Variants in SLMAP observed in about 807,000 individuals in gnomAD.
SLMAP encodes sarcolemmal membrane-associated protein.
A neutral mutation model predicts 128.8 loss-of-function variants in SLMAP; 44 were observed. The observed-to-expected ratio is 0.34, with a 90% CI of 0.27 to 0.44. The LOEUF is 0.44. SLMAP is among the 20% of genes least tolerant of loss of function. The pLI, the probability that SLMAP is intolerant of heterozygous loss-of-function variation, is 1.00. For missense variants in SLMAP, 787 were observed against 985.3 expected, an observed-to-expected ratio of 0.80 and a Z score of 2.69; for synonymous variants, 327 against 348.8, an observed-to-expected ratio of 0.94 and a Z score of 0.70.
intron 13 of SLMAP, among the ~76,000 whole-genome samples, chr3:57,865,967 A>G (rs1195527951): frequency 6.6e-6 from 1 of 152,138 alleles, no homozygotes; most frequent in African/African-American, 2.4e-5. Context: ...TTGAGCACCA[A>G]CTATGTGCCA....
In SLMAP at chr3:57,912,557, C is replaced by A. The variant is rs1402674093; in HGVS notation, c.1876C>A (p.Leu626Ile). 5 of 1,614,114 alleles carry A rather than the reference C, an allele frequency of 3.1e-6. No individual in the cohort carries two copies. Among genetic ancestry groups the A allele is most frequent in the African/African-American group, 1.3e-5 (1 of 75,030 alleles). The change falls in exon 20 of 25, where the codon CTT (leucine) becomes ATT (isoleucine). Residue 626 changes from leucine (L) to isoleucine (I), a missense_variant. Coordinates refer to ENST00000671191, the MANE Select transcript of SLMAP (RefSeq NM_001377540.1). ...TGACATTGCTTCTTTACAAGAAGAGCTTAAGAAGGTGAGAGCTGAGCTTGA... is the reference window on the plus strand; with the variant it reads ...TGACATTGCTTCTTTACAAGAAGAGATTAAGAAGGTGAGAGCTGAGCTTGA... ...DTDIASLQEE[L>I]KKVRAELERW... is the part of the protein sequence containing the mutation.
intron 2 of SLMAP, among the ~76,000 whole-genome samples, chr3:57,819,607 A>T (rs1315923627): frequency 6.6e-6 from 1 of 152,156 alleles, no homozygotes; most frequent in Non-Finnish European, 1.5e-5. Context: ...AATATCAACT[A>T]TCCTTAGATG....
At chr3:57,858,360 T>C (rs1162591899) in intron 8 of SLMAP, among the ~76,000 whole-genome samples, 2 of 152,254 alleles carry the variant, frequency 1.3e-5, no homozygotes, top group African/African-American at 4.8e-5. Context: ...TCTGTCTTTT[T>C]TCTATTGCAG....
intron 2 of SLMAP, among the ~76,000 whole-genome samples, chr3:57,795,304 C>T (rs566063959): frequency 2.3e-4 from 35 of 152,166 alleles, no homozygotes; most frequent in African/African-American, 7.7e-4. Flanking sequence ...CTGTGGGAAG[C>T]TGAGGCGGGC....
chr3:57,906,300 C>CTTTTTTTTCTTTTT (rs2096541411), intron 17 of SLMAP, among the ~76,000 whole-genome samples: 3 of 71,290 alleles, frequency 4.2e-5, no homozygotes, highest in African/African-American at 1.4e-4. Context: ...AAATTTTTTT[C>CTTTTTTTTCTTTTT]TTTTTTTTTC....
chr3:57,880,974 G>A (rs2095723801), intron 14 of SLMAP, among the ~76,000 whole-genome samples: 1 of 152,034 alleles, frequency 6.6e-6, no homozygotes, highest in African/African-American at 2.4e-5. Flanking sequence ...GGCAGATAAC[G>A]AGGTCAAGAG....
intron 14 of SLMAP, among the ~76,000 whole-genome samples, chr3:57,886,961 G>C (rs747467145): frequency 1.3e-5 from 2 of 152,008 alleles, no homozygotes; most frequent in Admixed American, 6.6e-5. Flanking sequence ...ATGGGTATAG[G>C]GTTTTTGTTG....
chr3:57,909,411 A>G (rs1344420766), intron 19 of SLMAP, among the ~76,000 whole-genome samples: 1 of 150,728 alleles, frequency 6.6e-6, no homozygotes, highest in Non-Finnish European at 1.5e-5. Flanking sequence ...CTGAGGCAGG[A>G]GAATTGCTTG....
intron 2 of SLMAP, among the ~76,000 whole-genome samples, chr3:57,788,139 G>A (rs1282205724): frequency 6.6e-6 from 1 of 152,226 alleles, no homozygotes; most frequent in Non-Finnish European, 1.5e-5. Context: ...AGTAAAAGCA[G>A]TGGTGGTTTA....
At chr3:57,835,256 T>C (rs1337500210) in intron 3 of SLMAP, among the ~76,000 whole-genome samples, 1 of 150,256 alleles carries the variant, frequency 6.7e-6, no homozygotes, top group Admixed American at 6.6e-5. Context: ...CTGGGCAACA[T>C]AGGGAGACAC....
At chr3:57,908,141 C>T in intron 18 of SLMAP, 135 bp downstream of exon 18, 1 of 751,572 alleles carries the variant, frequency 1.3e-6, no homozygotes, top group East Asian at 2.8e-5. Context: ...GGTATATTTA[C>T]TTGACCTCTC....
In SLMAP at chr3:57,877,865, C is replaced by T. The variant is rs145189414; in HGVS notation, c.1300+6167C>T. Among the ~76,000 whole-genome samples the T allele has an allele frequency of 7.4e-4, 97 of 131,584 alleles. 3 individuals carry two copies. In the East Asian group the frequency reaches 0.019, roughly 26 times the overall value. 86.3% of individuals were successfully genotyped at this position (131,584 alleles called of 152,430 possible). Reference sequence around the variant, plus strand: ...TTTTTTTTTTTTTTAAACAGAGTCTCGCTCCGTTGCCCAGGCTGGAGTGCA... The same window carrying T: ...TTTTTTTTTTTTTTAAACAGAGTCTTGCTCCGTTGCCCAGGCTGGAGTGCA... On this transcript the variant is annotated intron_variant, in intron 14 of 24. Transcript: ENST00000671191.
chr3:57,897,758 A>G (rs2096275769), intron 17 of SLMAP: 2 of 152,202 alleles, frequency 1.3e-5, no homozygotes, highest in African/African-American at 4.8e-5. Context: ...GCATGTAATT[A>G]ACTCTTTGTC....
At chr3:57,886,000 T>A (rs1464902935) in intron 14 of SLMAP, among the ~76,000 whole-genome samples, 1 of 151,282 alleles carries the variant, frequency 6.6e-6, no homozygotes, top group Non-Finnish European at 1.5e-5. Context: ...GTCAGGCTGG[T>A]CTCGAACTCC....
intron 2 of SLMAP, among the ~76,000 whole-genome samples, chr3:57,760,186 C>G (rs549988632): frequency 1.3e-5 from 2 of 152,240 alleles, no homozygotes; most frequent in African/African-American, 4.8e-5. Flanking sequence ...GTGATCCACC[C>G]TCCTCGGCCT....
chr3:57,803,574 G>T (rs1560044119), intron 2 of SLMAP, among the ~76,000 whole-genome samples: 3 of 152,132 alleles, frequency 2.0e-5, no homozygotes, highest in Admixed American at 2.0e-4. Context: ...AAATGTTTTA[G>T]TACTGTATAA....
Position 57,864,795 on chromosome 3 carries a change from T to G in SLMAP, c.1136-12T>G. ...TGAAATATCTTTTTTTTTTTTGGAC[T>G]TTTATTTACAGTACGGTTAGAACAT... On this transcript the variant is annotated splice_polypyrimidine_tract_variant and intron_variant, in intron 11 of 24. Coordinates refer to ENST00000671191, the MANE Select transcript of SLMAP (RefSeq NM_001377540.1). 6.3e-7 allele frequency: 1 copy of G among 1,575,262 alleles called. No homozygotes were observed. Among genetic ancestry groups the G allele is most frequent in the Non-Finnish European group, 8.6e-7 (1 of 1,166,134 alleles).
chr3:57,803,944 C>T (rs189099010), intron 2 of SLMAP, among the ~76,000 whole-genome samples: 2 of 152,314 alleles, frequency 1.3e-5, no homozygotes, highest in African/African-American at 4.8e-5. Flanking sequence ...GCTTTAGGTG[C>T]TCATCTGAAA....
chr3:57,814,969 A>G (rs1007740201), intron 2 of SLMAP, among the ~76,000 whole-genome samples: 1 of 152,170 alleles, frequency 6.6e-6, no homozygotes, highest in Non-Finnish European at 1.5e-5. Flanking sequence ...TATGGGTTAC[A>G]GAGCAAGACT....
Sources: gnomAD v4.1 joint callset for allele counts (sites outside exome capture counted in the v4.1 genomes callset) on GRCh38, gnomAD v4.1.1 for gene constraint, MANE v1.5 for transcripts, NCBI Gene and HGNC (gene_info 2026-07-23, HGNC 2026-07-21) for gene names.